Variants in CHN2 observed in about 807,000 individuals in gnomAD.
CHN2 encodes the protein chimerin 2.
In CHN2, 35 loss-of-function variants were observed where a neutral mutation model predicts 56.3. The observed-to-expected ratio is 0.62, with a 90% CI of 0.47 to 0.82. The LOEUF (loss-of-function observed/expected upper bound fraction) is 0.82. Ranked by LOEUF, CHN2 falls within the 40% of genes least tolerant of loss-of-function variation. The pLI, the probability that CHN2 is intolerant of heterozygous loss-of-function variation, is 0.00. For synonymous variants in CHN2, 210 were observed against 212.8 expected (o/e 0.99, Z 0.12); for missense variants, 491 against 580.5 (o/e 0.85, Z 1.58).
intron 6 of CHN2, among the ~76,000 whole-genome samples, chr7:29,439,661 A>T (rs1160613552): frequency 1.3e-5 from 2 of 152,184 alleles, no homozygotes. Context: ...TGCTCAGTAG[A>T]TGAGTGAGGT....
At chr7:29,471,277 C>T (rs547973170) in intron 6 of CHN2, among the ~76,000 whole-genome samples, 8 of 152,180 alleles carry the variant, frequency 5.3e-5, no homozygotes, top group South Asian at 2.1e-4. Context: ...ATAACAATGA[C>T]GTGTTGAAAT....
chr7:29,198,778 A>G (rs1391086873), intron 1 of CHN2, among the ~76,000 whole-genome samples: 1 of 152,204 alleles, frequency 6.6e-6, no homozygotes. Flanking sequence ...CATATTAGCA[A>G]TATGATTGCC....
intron 10 of CHN2, among the ~76,000 whole-genome samples, chr7:29,506,157 G>C (rs567010495): frequency 3.3e-4 from 51 of 152,292 alleles, no homozygotes; most frequent in Non-Finnish European, 6.8e-4. Context: ...ACTATTGTTA[G>C]AAATGGTAAG....
chr7:29,309,985 C>T (rs1425798612), intron 1 of CHN2, among the ~76,000 whole-genome samples: 3 of 152,228 alleles, frequency 2.0e-5, no homozygotes, highest in Non-Finnish European at 4.4e-5. Flanking sequence ...ATGGGCCTCT[C>T]CCACCTTGTT....
intron 8 of CHN2, among the ~76,000 whole-genome samples, chr7:29,499,033 T>G (rs1789635298): frequency 6.6e-6 from 1 of 152,172 alleles, no homozygotes; most frequent in African/African-American, 2.4e-5. Context: ...GTGCTGGGAT[T>G]ACAGGCGTGA....
At chr7:29,511,036 CTG>C (rs1383045650) in intron 12 of CHN2, among the ~76,000 whole-genome samples, 3 of 152,128 alleles carry the variant, frequency 2.0e-5, no homozygotes, top group Non-Finnish European at 1.5e-5. Flanking sequence ...CTGTGTGCCT[CTG>C]TGTTTTTGAA....
chr7:29,177,529 CA>C (rs1259412678), intron 2 of CHN2, among the ~76,000 whole-genome samples: 2 of 151,612 alleles, frequency 1.3e-5, no homozygotes, highest in African/African-American at 4.8e-5. Context: ...GCTGGGATTA[CA>C]GGCATGACCC....
chr7:29,304,009 G>A (rs992884901), intron 1 of CHN2, among the ~76,000 whole-genome samples: 14 of 151,986 alleles, frequency 9.2e-5, no homozygotes, highest in Admixed American at 5.2e-4. Context: ...GCAGTGAGCC[G>A]AGATCGTGCC....
At chr7:29,317,331 G>GA (rs1303337621) in intron 1 of CHN2, among the ~76,000 whole-genome samples, 4 of 152,062 alleles carry the variant, frequency 2.6e-5, no homozygotes, top group East Asian at 1.9e-4. Context: ...GATGACTGTG[G>GA]AAAAAAAATC....
intron 1 of CHN2, among the ~76,000 whole-genome samples, chr7:29,282,600 G>T (rs541932673): frequency 3.9e-5 from 6 of 152,258 alleles, no homozygotes; most frequent in African/African-American, 1.2e-4. Context: ...AAATTCCAAT[G>T]CTGAATTATT....
chr7:29,422,901 G>A (rs1804488206), intron 6 of CHN2, among the ~76,000 whole-genome samples: 1 of 152,168 alleles, frequency 6.6e-6, no homozygotes, highest in Non-Finnish European at 1.5e-5. Context: ...GAGAAGTGGG[G>A]CAAATGCAAA....
intron 6 of CHN2, among the ~76,000 whole-genome samples, chr7:29,439,590 A>G (rs1783482962): frequency 6.6e-6 from 1 of 151,730 alleles, no homozygotes; most frequent in African/African-American, 2.4e-5. Flanking sequence ...CCCCCATATG[A>G]CCCTCTGCTG....
At chr7:29,231,447 C>T (rs245946) in intron 1 of CHN2, among the ~76,000 whole-genome samples, 57,447 of 151,948 alleles carry the variant, frequency 0.38, 11,052 homozygotes, top group East Asian at 0.54. Flanking sequence ...TACCGCATTA[C>T]GCATAGGCAG....
At chr7:29,350,544 C>T (rs1361111639) in intron 1 of CHN2, among the ~76,000 whole-genome samples, 1 of 152,126 alleles carries the variant, frequency 6.6e-6, no homozygotes, top group African/African-American at 2.4e-5. Flanking sequence ...CAAATGGCCC[C>T]TCACTTTGAA....
intron 3 of CHN2, among the ~76,000 whole-genome samples, chr7:29,391,727 A>G (rs888031203): frequency 3.5e-4 from 54 of 152,220 alleles, no homozygotes; most frequent in Non-Finnish European, 1.3e-4. Context: ...CTGCAAGTGC[A>G]GAACACCCCT....
chr7:29,207,393 G>C (rs1191991550), intron 1 of CHN2, among the ~76,000 whole-genome samples: 1 of 151,968 alleles, frequency 6.6e-6, no homozygotes, highest in African/African-American at 2.4e-5. Context: ...ATAGAGACTT[G>C]CTCTCTAGGG....
chr7:29,291,120 G>A (rs940042937), intron 1 of CHN2, among the ~76,000 whole-genome samples: 5 of 152,166 alleles, frequency 3.3e-5, no homozygotes, highest in African/African-American at 1.2e-4. Context: ...CACTTGAGGT[G>A]CTTTTCCCTT....
At chr7:29,373,799 G>C (rs528189681) in intron 3 of CHN2, among the ~76,000 whole-genome samples, 2 of 152,220 alleles carry the variant, frequency 1.3e-5, no homozygotes, top group Non-Finnish European at 2.9e-5. Context: ...AGGCCATATT[G>C]ATTGACCATA....
intron 12 of CHN2, chr7:29,509,709 G>T (rs1189461796): frequency 1.4e-5 from 3 of 217,976 alleles, no homozygotes; most frequent in African/African-American, 7.0e-5. Context: ...GCCGGGCGTG[G>T]TGGCAGCCGC....
Sources: gnomAD v4.1 joint callset for allele counts (sites outside exome capture counted in the v4.1 genomes callset) on GRCh38, gnomAD v4.1.1 for gene constraint, MANE v1.5 for transcripts, NCBI Gene and HGNC (gene_info 2026-07-23, HGNC 2026-07-21) for gene names.